Variants in JADE1 observed in about 807,000 individuals in gnomAD.
JADE1 encodes protein Jade-1.
JADE1 carries 14 observed loss-of-function variants against 81.8 expected under a neutral mutation model. That is an observed-to-expected ratio of 0.17 (90% CI 0.11 to 0.27). The LOEUF is 0.27. JADE1 is among the 10% of genes least tolerant of loss of function. The pLI is 1.00. For missense variants in JADE1, 690 were observed against 1,047.9 expected (o/e 0.66, Z 4.71); for synonymous variants, 353 against 391.9 (o/e 0.90, Z 1.17).
chr4:128,862,693 A>T (rs151156953), intron 9 of JADE1: 14 of 1,011,212 alleles, frequency 1.4e-5, no homozygotes, highest in Non-Finnish European at 1.7e-5. Context: ...GGTGCTGGTG[A>T]TGGGCTTATG....
chr4:128,816,738 G>A (rs948813987), intron 1 of JADE1, among the ~76,000 whole-genome samples: 3 of 152,202 alleles, frequency 2.0e-5, no homozygotes, highest in South Asian at 2.1e-4. Context: ...ACTCTAAAAC[G>A]AATTCAGTAT....
At chr4:128,816,353 TTC>T (rs1727031513) in intron 1 of JADE1, 1 of 152,254 alleles carries the variant, frequency 6.6e-6, no homozygotes, top group African/African-American at 2.4e-5. Flanking sequence ...TTTTTATTTT[TTC>T]TTTTTTTGCA....
chr4:128,832,053 A>C (rs1728603605), intron 2 of JADE1, among the ~76,000 whole-genome samples: 1 of 152,190 alleles, frequency 6.6e-6, no homozygotes, highest in African/African-American at 2.4e-5. Context: ...GGGAGGAATA[A>C]TCCAGTTCCA....
intron 2 of JADE1, among the ~76,000 whole-genome samples, chr4:128,834,905 G>A (rs998554148): frequency 6.6e-6 from 1 of 152,010 alleles, no homozygotes; most frequent in Non-Finnish European, 1.5e-5. Context: ...TGACACTTAG[G>A]GAGGCTGAGC....
At chr4:128,841,053 C>A (rs73850005) in intron 2 of JADE1, among the ~76,000 whole-genome samples, 1,672 of 152,292 alleles carry the variant, frequency 0.011, 21 homozygotes, top group African/African-American at 0.037. Flanking sequence ...CTTAAGGTCC[C>A]CAAGGTCTTA....
At position 128,873,573 on chromosome 4, in the gene JADE1, A is replaced by T. The variant is rs1290380364; in HGVS notation, c.*1311A>T. 6.6e-6 allele frequency: 1 copy of T among 152,638 alleles called. No individual in the cohort carries two copies. Among genetic ancestry groups the T allele is most frequent in the Non-Finnish European group, 1.5e-5 (1 of 68,054 alleles). The allele number at this position is 152,638 out of a possible 1,614,324, so 9.5% of individuals were successfully genotyped here. The stretch of plus-strand genomic sequence containing the variant: ...TTTGCACTCCCCATAGTGCGTATGT[A>T]TTAAGACAGTGGATAGTGTTTAGGT... On this transcript the variant is annotated 3_prime_UTR_variant, in exon 11 of 11. Transcript: ENST00000226319.
At chr4:128,814,797 A>G (rs1726846345) in intron 1 of JADE1, among the ~76,000 whole-genome samples, 1 of 151,718 alleles carries the variant, frequency 6.6e-6, no homozygotes, top group Admixed American at 6.6e-5. Context: ...TCCTGACCTC[A>G]GGTGATCCAC....
At chr4:128,820,590 G>A (rs76324712) in intron 1 of JADE1, among the ~76,000 whole-genome samples, 3,708 of 152,128 alleles carry the variant, frequency 0.024, 84 homozygotes, top group Non-Finnish European at 0.04. Flanking sequence ...GTGATGAAAC[G>A]TTTGTTTTCA....
intron 8 of JADE1, among the ~76,000 whole-genome samples, chr4:128,859,271 AGT>A (rs1275552228): frequency 4.0e-5 from 6 of 150,558 alleles, no homozygotes; most frequent in South Asian, 2.1e-4. Flanking sequence ...TGGGGGTGTG[AGT>A]GTGCATGTGG....
At chr4:128,816,439 T>G (rs981774032) in intron 1 of JADE1, 1 of 152,252 alleles carries the variant, frequency 6.6e-6, no homozygotes, top group African/African-American at 2.4e-5. Context: ...AGGGCCTTTT[T>G]AATTACACAT....
In JADE1 at chr4:128,842,980, C is replaced by G. The variant is rs774236013; in HGVS notation, c.80C>G (p.Ser27Cys). ...GSLSTTWSQN[S>C]RSQHRRSSCS... ...CTGTCAACTACTTGGTCCCAGAATT[C>G]CCGATCCCAGCATAGGAGAAGCTCC... is the stretch of plus-strand genomic sequence containing the variant. The change falls in exon 3 of 11, where the codon TCC becomes TGC. Residue 27 changes from serine (S) to cysteine (C), a missense_variant. Around this residue, in one of 8 missense-constraint regions of JADE1, gnomAD observed 59 missense variants for 52.8 expected, o/e 1.12. Coordinates refer to ENST00000226319, the MANE Select transcript of JADE1 (RefSeq NM_199320.4). 6.2e-7 allele frequency: 1 copy of G among 1,614,024 alleles called. No homozygotes were observed. Among genetic ancestry groups the G allele is most frequent in the African/African-American group, 1.3e-5 (1 of 75,034 alleles).
chr4:128,846,224 C>A lies in JADE1; in HGVS notation c.139-151C>A. The A allele has an allele frequency of 1.3e-6, 1 of 743,690 alleles. No homozygotes were observed. The highest frequency in any genetic ancestry group is 2.2e-6 in the Non-Finnish European group (1 of 455,174). 46.1% of individuals were successfully genotyped at this position (743,690 alleles called of 1,614,324 possible). A position where few individuals can be genotyped will look rare whatever the true frequency, so the allele number is the denominator to read the frequency against. Reference sequence around the variant, plus strand: ...TGCCTGAGTGAGGTAAAAGGCGTGTCAGGCAAAGTTTTTCTGTAATAGGTC... The same window carrying A: ...TGCCTGAGTGAGGTAAAAGGCGTGTAAGGCAAAGTTTTTCTGTAATAGGTC... On this transcript the variant is annotated intron_variant, in intron 3 of 10. Coordinates refer to ENST00000226319, the MANE Select transcript of JADE1 (RefSeq NM_199320.4). This position sits in a 1 kb window ranked among gnomAD's most constrained non-coding sequence, Gnocchi z 4.0.
intron 9 of JADE1, chr4:128,865,048 G>A (rs1401160370): frequency 2.6e-4 from 40 of 152,184 alleles, no homozygotes; most frequent in Admixed American, 2.6e-3. Flanking sequence ...AGATAAAGAC[G>A]TGCTACCACT....
chr4:128,853,891 C>T (rs1422591542), intron 6 of JADE1, among the ~76,000 whole-genome samples: 1 of 152,170 alleles, frequency 6.6e-6, no homozygotes, highest in Non-Finnish European at 1.5e-5. Flanking sequence ...GCGACTCCTG[C>T]TTCAGTCATC....
At chr4:128,862,337 C>T (rs558207446) in intron 9 of JADE1, 112 bp downstream of exon 9, 2 of 1,505,116 alleles carry the variant, frequency 1.3e-6, no homozygotes, top group South Asian at 1.3e-5. Flanking sequence ...GACCCTTGTA[C>T]ACACCACAGC....
chr4:128,824,550 G>T (rs1213351294), intron 1 of JADE1, among the ~76,000 whole-genome samples: 1 of 152,132 alleles, frequency 6.6e-6, no homozygotes. Context: ...GAATGGAAGG[G>T]CATCAATAAA....
chr4:128,852,827 T>A (rs1253962274), intron 6 of JADE1, among the ~76,000 whole-genome samples: 1 of 152,168 alleles, frequency 6.6e-6, no homozygotes, highest in African/African-American at 2.4e-5. Context: ...TAGCTTATGG[T>A]GATTTGGGCA....
At position 128,861,902 on chromosome 4, in the gene JADE1, C is replaced by G. The variant is rs557650317; in HGVS notation, c.1180C>G (p.Arg394Gly). 2 of 1,614,060 alleles carry G rather than the reference C, an allele frequency of 1.2e-6. No homozygotes were observed. The highest frequency in any genetic ancestry group is 1.3e-5 in the African/African-American group (1 of 75,040). ...QENGAPECSP[R>G]NPLEPFASLE... ...GAATGGGGCCCCTGAGTGTTCCCCCCGGAATCCGCTGGAGCCCTTTGCCAG... is the reference window on the plus strand; with the variant it reads ...GAATGGGGCCCCTGAGTGTTCCCCCGGGAATCCGCTGGAGCCCTTTGCCAG... The change falls in exon 9 of 11, where the codon CGG becomes GGG. Residue 394 changes from arginine (R) to glycine (G), a missense_variant. By Grantham distance (125) the Arg-to-Gly change is moderately radical. Around this residue, in one of 8 missense-constraint regions of JADE1, gnomAD observed 77 missense variants for 76.4 expected, o/e 1.01. Coordinates refer to ENST00000226319, the MANE Select transcript of JADE1 (RefSeq NM_199320.4).
intron 1 of JADE1, chr4:128,811,246 G>C (rs1220146716): frequency 6.6e-6 from 1 of 152,318 alleles, no homozygotes; most frequent in Non-Finnish European, 1.5e-5. Context: ...GCTCCCCCCC[G>C]CCCGCCTTCG....
Sources: allele counts gnomAD v4.1 joint callset (sites outside exome capture counted in the v4.1 genomes callset), GRCh38; gene constraint gnomAD v4.1.1; regional missense constraint gnomAD v4.1.1; non-coding constraint Gnocchi (gnomAD v3.1); transcripts MANE v1.5; gene names NCBI Gene and HGNC (gene_info 2026-07-23, HGNC 2026-07-21).